The following COCH variants were observed in gnomAD, a reference collection of about 807,000 sequenced individuals.
COCH encodes cochlin, also known as coagulation factor C homolog, cochlin (Limulus polyphemus).
In COCH, 40 loss-of-function variants were observed where a neutral mutation model predicts 54.8. The observed-to-expected ratio is 0.73, with a 90% CI of 0.57 to 0.95. The LOEUF (loss-of-function observed/expected upper bound fraction) is 0.95. COCH is among the 40% of genes least tolerant of loss of function. The probability of loss-of-function intolerance (pLI) is 0.00; values close to 1 mark genes in which losing one functional copy is unlikely to be tolerated. For synonymous variants in COCH, 256 were observed against 237.9 expected (o/e 1.08, Z -0.70); for missense variants, 605 against 675.0 (o/e 0.90, Z 1.15).
At chr14:30,892,103 A>ATTTATATTT (rs2138907002), downstream of COCH, among the ~76,000 whole-genome samples, 1 of 133,614 alleles carries the variant, frequency 7.5e-6, no homozygotes, top group African/African-American at 2.4e-5. Context: ...TGTATAAAGT[A>ATTTATATTT]CTATTTAATA....
At position 30,877,322 on chromosome 14, in the gene COCH, A is replaced by C; in HGVS notation, c.83-250A>C. 4.3e-6 allele frequency: 2 copies of C among 461,422 alleles called. No homozygotes were observed. The highest frequency in any genetic ancestry group is 4.5e-5 in the South Asian group (2 of 44,354). The allele number at this position is 461,422 out of a possible 1,614,324, so 28.6% of individuals were successfully genotyped here. A position where few individuals can be genotyped will look rare whatever the true frequency, so the allele number is the denominator to read the frequency against. The stretch of plus-strand genomic sequence containing the variant: ...AACTTGGCGAGTCCCCATTTCAAAA[A>C]CAAAAACGAAATAAAAACCCAGAAC... On this transcript the variant is annotated intron_variant, in intron 3 of 11. Coordinates refer to ENST00000396618, the MANE Select transcript of COCH (RefSeq NM_004086.3). The surrounding 1 kb of genome is among the most constrained non-coding windows in gnomAD (Gnocchi z 8.6).
chr14:30,888,469 TG>T (rs1895867130), intron 11 of COCH, among the ~76,000 whole-genome samples: 2 of 152,102 alleles, frequency 1.3e-5, no homozygotes, highest in African/African-American at 4.8e-5. Flanking sequence ...ATTAGATAGA[TG>T]GTACTCTACA....
chr14:30,876,931 G>A (rs1344419593), intron 3 of COCH, among the ~76,000 whole-genome samples: 10 of 151,772 alleles, frequency 6.6e-5, no homozygotes, highest in African/African-American at 9.7e-5. Flanking sequence ...CTCCAGTGGC[G>A]GAGAGTACAG....
rs973341579 is a variant in COCH, at chr14:30,874,592, G to T, written c.-24+1G>T. On this transcript the variant is annotated splice_donor_variant, in intron 1 of 11. Coordinates refer to ENST00000396618, the MANE Select transcript of COCH (RefSeq NM_004086.3). LOFTEE classifies it low-confidence loss of function (5UTR_SPLICE). ...GCGCAGCCGGGTGGATCTCGAGCAGGTGCGGAGCCCCGGGCGGCGGGCGCG... is the reference window on the plus strand; with the variant it reads ...GCGCAGCCGGGTGGATCTCGAGCAGTTGCGGAGCCCCGGGCGGCGGGCGCG... 6.9e-5 allele frequency: 33 copies of T among 477,216 alleles called. No homozygotes were observed. The highest frequency in any genetic ancestry group is 6.0e-4 in the African/African-American group (30 of 50,156). The allele number at this position is 477,216 out of a possible 1,614,324, so 29.6% of individuals were successfully genotyped here.
downstream of COCH, among the ~76,000 whole-genome samples, chr14:30,892,249 AATAAAC>A (rs764428847): frequency 6.6e-6 from 1 of 151,936 alleles, no homozygotes; most frequent in Non-Finnish European, 1.5e-5. Flanking sequence ...GATAGAACAA[AATAAAC>A]ATATATACTA....
chr14:30,894,145 A>G (rs969557925), downstream of COCH: 1 of 152,596 alleles, frequency 6.6e-6, no homozygotes, highest in African/African-American at 2.4e-5. Context: ...TAAAAAAATA[A>G]AACAGGGATA....
chr14:30,884,256 A>G (rs979152306), intron 8 of COCH, among the ~76,000 whole-genome samples: 4 of 152,234 alleles, frequency 2.6e-5, no homozygotes, highest in African/African-American at 4.8e-5. Context: ...CTTCATTTAC[A>G]TAATTGGGAT....
chr14:30,874,768 T>C, intron 1 of COCH, 148 bp from the exon 2 acceptor site: 1 of 746,512 alleles, frequency 1.3e-6, no homozygotes, highest in Non-Finnish European at 2.3e-6. Flanking sequence ...CTCCCAGACC[T>C]AGAGGGGCGC....
intron 8 of COCH, among the ~76,000 whole-genome samples, chr14:30,882,324 T>A (rs1309404997): frequency 6.6e-6 from 1 of 151,558 alleles, no homozygotes; most frequent in African/African-American, 2.4e-5. Context: ...GAGACAAGGT[T>A]TCACCATGTT....
intron 11 of COCH, among the ~76,000 whole-genome samples, chr14:30,888,523 T>TA (rs1473503475): frequency 7.0e-5 from 6 of 85,946 alleles, no homozygotes; most frequent in Non-Finnish European, 2.0e-4. Context: ...GGCTTATGCC[T>TA]GTAATCCCAG....
chr14:30,882,985 C>T (rs930905256), intron 8 of COCH, among the ~76,000 whole-genome samples: 13 of 152,212 alleles, frequency 8.5e-5, no homozygotes, highest in African/African-American at 3.1e-4. Context: ...AGTGCTATTA[C>T]AAATATTAAT....
Position 30,890,188 on chromosome 14 carries a change from A to G in COCH, c.*397A>G. ...CTGTATTGATTATATAAGCAAAATGAAAAGAGAAACTTAAATGAACACAGC... is the reference window on the plus strand; with the variant it reads ...CTGTATTGATTATATAAGCAAAATGGAAAGAGAAACTTAAATGAACACAGC... On this transcript the variant is annotated 3_prime_UTR_variant, in exon 12 of 12. Coordinates refer to ENST00000396618, the MANE Select transcript of COCH (RefSeq NM_004086.3). 1.0e-6 allele frequency: 1 copy of G among 991,052 alleles called. No homozygotes were observed. Among genetic ancestry groups the G allele is most frequent in the Non-Finnish European group, 1.2e-6 (1 of 833,074 alleles). 61.4% of individuals were successfully genotyped at this position (991,052 alleles called of 1,614,324 possible). A position where few individuals can be genotyped will look rare whatever the true frequency, so the allele number is the denominator to read the frequency against.
At chr14:30,891,741 T>C (rs1292099554), downstream of COCH, among the ~76,000 whole-genome samples, 2 of 150,012 alleles carry the variant, frequency 1.3e-5, no homozygotes, top group African/African-American at 4.9e-5. Context: ...AAGAAAGTGG[T>C]TTTTTCTTTA....
intron 5 of COCH, 142 bp downstream of exon 5, chr14:30,879,086 T>G (rs1004133846): frequency 1.6e-6 from 2 of 1,256,252 alleles, no homozygotes; most frequent in Non-Finnish European, 2.3e-6. Flanking sequence ...AACTGTAGGT[T>G]AGACTGAGGG....
In COCH at chr14:30,877,122, T is replaced by C. The variant is rs1895387560; in HGVS notation, c.83-450T>C. On this transcript the variant is annotated intron_variant, in intron 3 of 11. Coordinates refer to ENST00000396618, the MANE Select transcript of COCH (RefSeq NM_004086.3). The surrounding 1 kb of genome is among the most constrained non-coding windows in gnomAD (Gnocchi z 8.6). ...CCACGCCCAGCCAAGATTTTTTATA[T>C]TTCTATAATTAATATTAAATGACTT... is the stretch of plus-strand genomic sequence containing the variant. Among the ~76,000 whole-genome samples, 1 of 152,114 alleles carries C rather than the reference T, an allele frequency of 6.6e-6. No homozygotes were observed. Among genetic ancestry groups the C allele is most frequent in the African/African-American group, 2.4e-5 (1 of 41,416 alleles).
At chr14:30,880,332 ATTT>A in intron 6 of COCH, 117 bp from the exon 7 acceptor site, 2 of 1,457,384 alleles carry the variant, frequency 1.4e-6, no homozygotes, top group Non-Finnish European at 1.9e-6. Flanking sequence ...GAGGAAATTA[ATTT>A]TTTTAAAAAA....
rs1201318072 is a variant in COCH at position 30,886,046 on chromosome 14, C to T, written c.1211C>T (p.Ala404Val). 3 of 1,614,070 alleles carry T rather than the reference C, an allele frequency of 1.9e-6. No individual in the cohort carries two copies. The Admixed American group carries it at 5.0e-5, about 27-fold the overall frequency. Residue 404 changes from alanine to valine, a missense_variant, in exon 11 of 12, where the codon GCC becomes GTC. Coordinates refer to ENST00000396618, the MANE Select transcript of COCH (RefSeq NM_004086.3). ...AKTFEISDIG[A>V]KIAAVQFTYD... ...ACTTTTGAAATCTCGGACATTGGTGCCAAGATAGCTGCTGTACAGTTTACT... is the reference window on the plus strand; with the variant it reads ...ACTTTTGAAATCTCGGACATTGGTGTCAAGATAGCTGCTGTACAGTTTACT...
At chr14:30,874,630 C>T (rs1895283965) in intron 1 of COCH, 39 bp downstream of exon 1, 1 of 535,168 alleles carries the variant, frequency 1.9e-6, no homozygotes, top group African/African-American at 1.9e-5. Context: ...TGCGAGGGAT[C>T]CCTGACGCCT....
intron 8 of COCH, among the ~76,000 whole-genome samples, chr14:30,882,120 G>GTTTTTTTTTTTTTGTTTTGTTTTTTTTTT (rs1895619344): frequency 1.5e-5 from 1 of 67,894 alleles, no homozygotes; most frequent in Admixed American, 1.7e-4. Flanking sequence ...CTATAAAATG[G>GTTTTTTTTTTTTTGTTTTGTTTTTTTTTT]TTTTTTTTTT....
Sources: allele counts gnomAD v4.1 joint callset (sites outside exome capture counted in the v4.1 genomes callset), GRCh38; gene constraint gnomAD v4.1.1; non-coding constraint Gnocchi (gnomAD v3.1); transcripts MANE v1.5; gene names NCBI Gene and HGNC (gene_info 2026-07-23, HGNC 2026-07-21).